SHISA9: variants seen among roughly 807,000 people sequenced by gnomAD.
SHISA9 encodes shisa family member 9.
In SHISA9, 13 loss-of-function variants were observed where a neutral mutation model predicts 38.0. The ratio of observed to expected loss-of-function variants is 0.34; its 90% CI spans 0.22 to 0.54. The LOEUF (loss-of-function observed/expected upper bound fraction) is 0.54, where lower values mean the gene tolerates loss of function less well. Among genes scored for constraint, SHISA9 ranks in the 20% least tolerant of loss-of-function variants. The pLI, the probability that SHISA9 is intolerant of heterozygous loss-of-function variation, is 0.91. For missense variants in SHISA9, 538 were observed against 575.8 expected (o/e 0.93, Z 0.67); for synonymous variants, 275 against 242.0 (o/e 1.14, Z -1.27).
At chr16:13,288,205 A>T in the SHISA9 span, among the ~76,000 whole-genome samples, 2 of 152,164 alleles carry the variant, frequency 1.3e-5, no homozygotes, top group Non-Finnish European at 2.9e-5. Flanking sequence ...ATAAGAGAAA[A>T]ATGGGACCAT....
the SHISA9 span, among the ~76,000 whole-genome samples, chr16:13,430,921 G>GGA: frequency 6.9e-6 from 1 of 144,200 alleles, no homozygotes; most frequent in Non-Finnish European, 1.5e-5. Flanking sequence ...TCTGTTTCTA[G>GGA]AAAAAAAAAA....
At chr16:13,202,840 G>C (rs1277352435) in intron 2 of SHISA9, among the ~76,000 whole-genome samples, 1 of 152,164 alleles carries the variant, frequency 6.6e-6, no homozygotes, top group African/African-American at 2.4e-5. Flanking sequence ...GTTGCTAAAA[G>C]TGGTATTGTT....
chr16:13,191,803 C>A (rs1460039062), intron 2 of SHISA9, among the ~76,000 whole-genome samples: 1 of 152,154 alleles, frequency 6.6e-6, no homozygotes, highest in Admixed American at 6.5e-5. Flanking sequence ...TGGGCAGGAC[C>A]AGTGTGGCCT....
At chr16:13,141,978 T>C (rs1345214756) in intron 2 of SHISA9, among the ~76,000 whole-genome samples, 4 of 152,128 alleles carry the variant, frequency 2.6e-5, no homozygotes, top group African/African-American at 9.7e-5. Context: ...TCTGTAGATC[T>C]TCCATGCTGA....
intron 2 of SHISA9, among the ~76,000 whole-genome samples, chr16:13,170,946 C>T (rs999521154): frequency 9.2e-5 from 14 of 152,132 alleles, no homozygotes; most frequent in East Asian, 1.9e-4. Flanking sequence ...CGTCAACCAC[C>T]GCGCTGGGCC....
the SHISA9 span, among the ~76,000 whole-genome samples, chr16:13,472,478 G>A: frequency 3.2e-5 from 4 of 123,430 alleles, no homozygotes; most frequent in African/African-American, 1.2e-4. Flanking sequence ...TCCAAGCTCC[G>A]CCTCCCAGGT....
the SHISA9 span, among the ~76,000 whole-genome samples, chr16:13,499,760 C>T: frequency 6.6e-6 from 1 of 152,232 alleles, no homozygotes; most frequent in African/African-American, 2.4e-5. Context: ...AGTGCAAACC[C>T]ACGAAAGGTT....
At chr16:13,001,368 G>T (rs2072523614) in intron 2 of SHISA9, among the ~76,000 whole-genome samples, 1 of 151,708 alleles carries the variant, frequency 6.6e-6, no homozygotes, top group Admixed American at 6.5e-5. Context: ...AGATTCCACT[G>T]ACTAAGGATC....
At chr16:13,398,214 A>G in the SHISA9 span, among the ~76,000 whole-genome samples, 76 of 152,190 alleles carry the variant, frequency 5.0e-4, no homozygotes, top group African/African-American at 1.6e-3. Flanking sequence ...GGGCAGGAAA[A>G]CAGAAATACC....
chr16:13,491,661 T>C, the SHISA9 span, among the ~76,000 whole-genome samples: 1 of 151,572 alleles, frequency 6.6e-6, no homozygotes, highest in Non-Finnish European at 1.5e-5. Flanking sequence ...TTCATTTTTT[T>C]GTATTCTTAG....
chr16:13,319,855 G>A, the SHISA9 span, among the ~76,000 whole-genome samples: 1 of 151,206 alleles, frequency 6.6e-6, no homozygotes, highest in Non-Finnish European at 1.5e-5. Context: ...CTTTTCCAGC[G>A]GGGATGGTTC....
intron 2 of SHISA9, among the ~76,000 whole-genome samples, chr16:13,105,226 A>C (rs1163267196): frequency 1.3e-5 from 2 of 152,212 alleles, no homozygotes; most frequent in Non-Finnish European, 2.9e-5. Flanking sequence ...ATAGGAGTAT[A>C]CGGCTAGCAA....
chr16:12,921,651 G>T (rs1369765264), intron 2 of SHISA9, among the ~76,000 whole-genome samples: 3 of 152,116 alleles, frequency 2.0e-5, no homozygotes, highest in Admixed American at 1.3e-4. Flanking sequence ...CACACCAGTA[G>T]TGACAGCTAG....
intron 2 of SHISA9, among the ~76,000 whole-genome samples, chr16:12,947,588 T>G (rs982283716): frequency 2.0e-5 from 3 of 152,182 alleles, no homozygotes; most frequent in South Asian, 2.1e-4. Flanking sequence ...TGGGGAGACA[T>G]CACGTGGTGG....
the SHISA9 span, among the ~76,000 whole-genome samples, chr16:13,522,537 C>T: frequency 6.6e-6 from 1 of 152,100 alleles, no homozygotes; most frequent in Non-Finnish European, 1.5e-5. Context: ...ACCTGGAGGC[C>T]AGCTGTCATT....
intron 2 of SHISA9, among the ~76,000 whole-genome samples, chr16:13,185,317 T>C (rs1279028676): frequency 1.3e-5 from 2 of 152,202 alleles, no homozygotes; most frequent in African/African-American, 4.8e-5. Flanking sequence ...TCTTCCTGCC[T>C]CAGTTTCCCA....
At chr16:12,968,177 A>T (rs1045383840) in intron 2 of SHISA9, among the ~76,000 whole-genome samples, 5 of 133,262 alleles carry the variant, frequency 3.8e-5, no homozygotes, top group Non-Finnish European at 7.8e-5. Context: ...GTGACAGAGG[A>T]AGGCTCCATC....
chr16:13,463,682 A>G, the SHISA9 span, among the ~76,000 whole-genome samples: 1 of 152,194 alleles, frequency 6.6e-6, no homozygotes. Flanking sequence ...TTATTTCATC[A>G]TTTCCAGTTT....
At chr16:13,064,160 C>T (rs2073407665) in intron 2 of SHISA9, among the ~76,000 whole-genome samples, 1 of 152,160 alleles carries the variant, frequency 6.6e-6, no homozygotes, top group African/African-American at 2.4e-5. Flanking sequence ...TTGTCTCAGC[C>T]TCCAGAGTGT....
Sources: allele counts gnomAD v4.1 joint callset (sites outside exome capture counted in the v4.1 genomes callset), GRCh38; gene constraint gnomAD v4.1.1; transcripts MANE v1.5; gene names NCBI Gene and HGNC (gene_info 2026-07-23, HGNC 2026-07-21).